DCDC2: variants seen among roughly 807,000 people sequenced by gnomAD.
The protein encoded by DCDC2 is doublecortin domain-containing protein 2.
Under a neutral mutation model 50.2 loss-of-function variants are expected in DCDC2, and 40 were observed. That is an observed-to-expected ratio of 0.80 (90% CI 0.62 to 1.04). The LOEUF (loss-of-function observed/expected upper bound fraction) is 1.04, where lower values mean the gene tolerates loss of function less well. DCDC2 is among the 50% of genes least tolerant of loss of function. The pLI is 0.00. For missense variants in DCDC2, 570 were observed against 581.9 expected (o/e 0.98, Z 0.21); for synonymous variants, 234 against 210.6 (o/e 1.11, Z -0.96).
chr6:24,249,223 GT>G (rs537844459), intron 7 of DCDC2, among the ~76,000 whole-genome samples: 11 of 152,260 alleles, frequency 7.2e-5, no homozygotes, highest in Admixed American at 5.2e-4. Flanking sequence ...TGAGCTGATT[GT>G]TTTTAATACT....
chr6:24,206,414 G>A (rs1214959416), intron 7 of DCDC2, among the ~76,000 whole-genome samples: 1 of 152,116 alleles, frequency 6.6e-6, no homozygotes, highest in African/African-American at 2.4e-5. Flanking sequence ...GGAAAAGAGT[G>A]AAGAAAAATA....
chr6:24,369,133 CAAAAAA>C, the DCDC2 span, among the ~76,000 whole-genome samples: 2 of 92,808 alleles, frequency 2.2e-5, no homozygotes, highest in Admixed American at 1.2e-4. Context: ...GACTCTGTCT[CAAAAAA>C]AAAAAAAAAA....
intron 2 of DCDC2, among the ~76,000 whole-genome samples, chr6:24,326,556 C>T (rs2113855366): frequency 6.7e-6 from 1 of 149,178 alleles, no homozygotes; most frequent in East Asian, 2.3e-4. Flanking sequence ...TCATTTGTAT[C>T]AATAAAAAGC....
chr6:24,174,743 G>T lies in DCDC2; in HGVS notation c.1418C>A (p.Ala473Asp), dbSNP rs1760865403. Reference protein sequence around the residue: ...NENNQQNKDYAAVA With the variant: ...NENNQQNKDYDAVA ...TTTAAAAATGTTCTAAGCCACGGCA[G>T]CATAGTCCTTGTTTTGTTGGTTGTT... The change falls in exon 10 of 10, where the codon GCT becomes GAT. Residue 473 changes from alanine to aspartate, a missense_variant. Coordinates refer to ENST00000378454, the MANE Select transcript of DCDC2 (RefSeq NM_016356.5). 1 of 1,611,918 alleles carries T rather than the reference G, an allele frequency of 6.2e-7. No homozygotes were observed. The highest frequency in any genetic ancestry group is 8.5e-7 in the Non-Finnish European group (1 of 1,178,480).
At chr6:24,187,279 G>GA (rs1255953704) in intron 8 of DCDC2, among the ~76,000 whole-genome samples, 1 of 152,252 alleles carries the variant, frequency 6.6e-6, no homozygotes, top group East Asian at 1.9e-4. Context: ...TTGGAGTGGG[G>GA]AGAGTCCTCT....
At chr6:24,194,329 G>A (rs979775108) in intron 8 of DCDC2, among the ~76,000 whole-genome samples, 1 of 152,062 alleles carries the variant, frequency 6.6e-6, no homozygotes, top group Non-Finnish European at 1.5e-5. Flanking sequence ...TTATTTTACT[G>A]TTTTAATGTT....
intron 4 of DCDC2, among the ~76,000 whole-genome samples, chr6:24,293,506 A>G (rs545695881): frequency 3.9e-5 from 6 of 152,146 alleles, no homozygotes; most frequent in Admixed American, 3.9e-4. Flanking sequence ...ATATATACGC[A>G]CCCAACACAG....
At chr6:24,209,376 A>G (rs1018945359) in intron 7 of DCDC2, among the ~76,000 whole-genome samples, 3 of 152,200 alleles carry the variant, frequency 2.0e-5, no homozygotes, top group African/African-American at 7.2e-5. Flanking sequence ...AGTTATTGCT[A>G]CAGCAACATC....
chr6:24,289,824 T>C (rs1353239015), intron 5 of DCDC2, among the ~76,000 whole-genome samples: 1 of 152,148 alleles, frequency 6.6e-6, no homozygotes, highest in African/African-American at 2.4e-5. Context: ...CTGGTGATAT[T>C]CTGCTCTACT....
rs1374088975 is a variant in DCDC2, at chr6:24,191,301, G to A, written c.1024-12669C>T. Among the ~76,000 whole-genome samples the A allele has an allele frequency of 4.6e-5, 7 of 152,276 alleles. No homozygotes were observed. The East Asian group carries it at 1.3e-3, about 29-fold the overall frequency. On this transcript the variant is annotated intron_variant, in intron 8 of 9. Coordinates refer to ENST00000378454, the MANE Select transcript of DCDC2 (RefSeq NM_016356.5). ...GCTGCTAATTCTCCATTAGTTGGGG[G>A]TAGAGTCAATGATGAGACCAAGTCA...
chr6:24,209,884 C>T (rs1761819761), intron 7 of DCDC2, among the ~76,000 whole-genome samples: 1 of 152,194 alleles, frequency 6.6e-6, no homozygotes, highest in South Asian at 2.1e-4. Flanking sequence ...ACACTTTCCC[C>T]AGCTCTTTCT....
At chr6:24,295,188 G>A (rs1366193009) in intron 4 of DCDC2, among the ~76,000 whole-genome samples, 6 of 152,064 alleles carry the variant, frequency 3.9e-5, no homozygotes, top group Non-Finnish European at 8.8e-5. Context: ...CAATAAACGT[G>A]ATTCACCACA....
intron 7 of DCDC2, among the ~76,000 whole-genome samples, chr6:24,246,479 C>CTT (rs4052666): frequency 0.38 from 27,063 of 70,344 alleles, 6,375 homozygotes; most frequent in Non-Finnish European, 0.45. Context: ...TTTTCTTTTT[C>CTT]TTTTTTTTTT....
Position 24,324,922 on chromosome 6 carries a change from AAGAG to A in DCDC2, c.349-22882_349-22879del, listed in dbSNP as rs1179970369. 3.1e-4 allele frequency among the ~76,000 whole-genome samples: 47 copies of A among 151,390 alleles called. 1 individual carries two copies. The highest frequency in any genetic ancestry group is 1.8e-3 in the Admixed American group (28 of 15,196). ...AGAAAGACAGAAAAGAAAGAAAGAA[AAGAG>A]AGAGAGAGAGCTATGACACTTTGGC... On this transcript the variant is annotated intron_variant, in intron 2 of 9. Coordinates refer to ENST00000378454, the MANE Select transcript of DCDC2 (RefSeq NM_016356.5).
chr6:24,352,184 G>C (rs921813463), intron 2 of DCDC2, among the ~76,000 whole-genome samples: 5 of 152,200 alleles, frequency 3.3e-5, no homozygotes, highest in African/African-American at 1.2e-4. Context: ...AATGTCTTCA[G>C]CAAAGACACT....
the DCDC2 span, among the ~76,000 whole-genome samples, chr6:24,376,846 T>C: frequency 2.5e-4 from 38 of 149,218 alleles, no homozygotes; most frequent in African/African-American, 9.0e-4. Context: ...AAACTCCGCA[T>C]TAGAGAGTTT....
At chr6:24,176,287 C>A (rs1047667679) in intron 9 of DCDC2, among the ~76,000 whole-genome samples, 1 of 150,614 alleles carries the variant, frequency 6.6e-6, no homozygotes, top group Non-Finnish European at 1.5e-5. Context: ...CAGAGTGAGA[C>A]CTTGTCACAA....
chr6:24,235,356 A>G (rs1003342947), intron 7 of DCDC2, among the ~76,000 whole-genome samples: 2 of 152,184 alleles, frequency 1.3e-5, no homozygotes, highest in African/African-American at 4.8e-5. Flanking sequence ...TTTGCATAAA[A>G]TTTCCTTCAA....
At chr6:24,291,477 C>CTTTTTT (rs71002483) in intron 4 of DCDC2, among the ~76,000 whole-genome samples, 1 of 86,578 alleles carries the variant, frequency 1.2e-5, no homozygotes, top group African/African-American at 4.6e-5. Flanking sequence ...TTTGTTAATA[C>CTTTTTT]TTTTTTTTTT....
Sources: allele counts gnomAD v4.1 joint callset (sites outside exome capture counted in the v4.1 genomes callset), GRCh38; gene constraint gnomAD v4.1.1; transcripts MANE v1.5; gene names NCBI Gene and HGNC (gene_info 2026-07-23, HGNC 2026-07-21).